The following NTRK2 variants were observed in gnomAD, a reference collection of about 807,000 sequenced individuals.
NTRK2 encodes the protein neurotrophic receptor tyrosine kinase 2, also known as BDNF/NT-3 growth factors receptor.
Under a neutral mutation model 94.5 loss-of-function variants are expected in NTRK2, and 13 were observed. The observed-to-expected ratio is 0.14, with a 90% CI of 0.09 to 0.22. The LOEUF is 0.22. NTRK2 is among the 10% of genes least tolerant of loss of function. The probability of loss-of-function intolerance (pLI) is 1.00; values close to 1 mark genes in which losing one functional copy is unlikely to be tolerated. For missense variants in NTRK2, 639 were observed against 1,071.2 expected, an observed-to-expected ratio of 0.60 and a Z score of 5.63; for synonymous variants, 372 against 407.4, an observed-to-expected ratio of 0.91 and a Z score of 1.05.
rs200064369 is a variant in NTRK2 at position 84,948,683 on chromosome 9, G to A, written c.1937+49G>A. ...CTCCAGGAGGGAGCAGGCCTTCAGG[G>A]TTCAGGAGTGGAGGGTTCATGGGAG... On this transcript the variant is annotated intron_variant, in intron 16 of 18. Transcript: ENST00000277120. 6 of 1,579,116 alleles carry A rather than the reference G, an allele frequency of 3.8e-6. No homozygotes were observed. The South Asian group carries it at 4.5e-5, about 12-fold the overall frequency.
intron 12 of NTRK2, among the ~76,000 whole-genome samples, chr9:84,830,462 C>T (rs757031599): frequency 2.0e-5 from 3 of 151,960 alleles, no homozygotes; most frequent in Non-Finnish European, 2.9e-5. Context: ...ATTTTCCTGT[C>T]TCCTTATGCT....
intron 17 of NTRK2, among the ~76,000 whole-genome samples, chr9:84,957,502 AG>A (rs1824289271): frequency 6.6e-6 from 1 of 152,240 alleles, no homozygotes; most frequent in Admixed American, 6.5e-5. Context: ...GCACATGAAA[AG>A]ATGGGTGACA....
intron 12 of NTRK2, among the ~76,000 whole-genome samples, chr9:84,762,985 C>G (rs929811265): frequency 7.9e-5 from 12 of 152,192 alleles, no homozygotes; most frequent in African/African-American, 2.9e-4. Context: ...GGCCACCACT[C>G]TATTCAAGTC....
intron 17 of NTRK2, among the ~76,000 whole-genome samples, chr9:85,019,269 A>G (rs1832569859): frequency 6.6e-6 from 1 of 152,184 alleles, no homozygotes. Flanking sequence ...GGATAAGCCC[A>G]CCTGCTCTCA....
chr9:84,852,121 C>T (rs949952608), intron 12 of NTRK2, among the ~76,000 whole-genome samples: 2 of 152,168 alleles, frequency 1.3e-5, no homozygotes, highest in African/African-American at 4.8e-5. Context: ...TCCTTGGAAA[C>T]AAAAGCTCCT....
chr9:84,861,697 G>A (rs1404394907), intron 13 of NTRK2, among the ~76,000 whole-genome samples: 1 of 152,148 alleles, frequency 6.6e-6, no homozygotes, highest in South Asian at 2.1e-4. Context: ...TGATCTCTTG[G>A]GACCTCTAAT....
At chr9:84,868,327 C>A (rs999990553) in intron 14 of NTRK2, among the ~76,000 whole-genome samples, 1 of 152,154 alleles carries the variant, frequency 6.6e-6, no homozygotes, top group Non-Finnish European at 1.5e-5. Flanking sequence ...AGGATTACTG[C>A]AAGATTAGGC....
chr9:84,871,635 T>C (rs1472246088), intron 14 of NTRK2, among the ~76,000 whole-genome samples: 1 of 152,216 alleles, frequency 6.6e-6, no homozygotes, highest in Non-Finnish European at 1.5e-5. Context: ...TGGTGATCAA[T>C]TATATCCCTT....
intron 2 of NTRK2, among the ~76,000 whole-genome samples, chr9:84,685,056 A>G (rs2059625089): frequency 6.6e-6 from 1 of 151,846 alleles, no homozygotes; most frequent in Non-Finnish European, 1.5e-5. Flanking sequence ...AAAATGAGCA[A>G]TTTTATATTT....
At chr9:84,698,110 A>C (rs1372263634) in intron 2 of NTRK2, among the ~76,000 whole-genome samples, 3 of 151,992 alleles carry the variant, frequency 2.0e-5, no homozygotes, top group Non-Finnish European at 2.9e-5. Context: ...TAATAACATA[A>C]ATGGTATAAA....
At chr9:84,824,651 C>A (rs2073068227) in intron 12 of NTRK2, among the ~76,000 whole-genome samples, 1 of 152,128 alleles carries the variant, frequency 6.6e-6, no homozygotes, top group Non-Finnish European at 1.5e-5. Context: ...CTAAGTTTGG[C>A]AATTTCTTCC....
At chr9:85,005,008 A>G (rs1310091026) in intron 17 of NTRK2, among the ~76,000 whole-genome samples, 1 of 152,208 alleles carries the variant, frequency 6.6e-6, no homozygotes, top group Non-Finnish European at 1.5e-5. Flanking sequence ...GGAGCTAGTA[A>G]TAATAGGATC....
chr9:84,748,871 G>A (rs79172078), intron 11 of NTRK2, among the ~76,000 whole-genome samples: 2,581 of 152,206 alleles, frequency 0.017, 66 homozygotes, highest in African/African-American at 0.044. Context: ...AAATGGTTAC[G>A]TTTATCCATA....
chr9:84,727,002 C>T (rs886939552), intron 8 of NTRK2, among the ~76,000 whole-genome samples: 2 of 152,160 alleles, frequency 1.3e-5, no homozygotes, highest in African/African-American at 2.4e-5. Context: ...AAGATCTAAA[C>T]ATTGGCATCT....
At chr9:84,683,333 C>T (rs1262763054) in intron 2 of NTRK2, among the ~76,000 whole-genome samples, 2 of 152,016 alleles carry the variant, frequency 1.3e-5, no homozygotes, top group African/African-American at 4.8e-5. Flanking sequence ...TAATGATCTC[C>T]CTCCCCTTGC....
intron 12 of NTRK2, among the ~76,000 whole-genome samples, chr9:84,842,256 C>T (rs1391630799): frequency 6.6e-6 from 1 of 152,166 alleles, no homozygotes; most frequent in Non-Finnish European, 1.5e-5. Flanking sequence ...TCTGCACTTC[C>T]TTCTTTACTC....
rs116992518 is a variant in NTRK2, at chr9:84,864,270, C to T, written c.1445-2973C>T. ...GCTCCAGAAGGAAATATTGCTGGAT[C>T]TCTGACAGCACGTGGAGTCTTTTAA... On this transcript the variant is annotated intron_variant, in intron 13 of 18. Coordinates refer to ENST00000277120, the MANE Select transcript of NTRK2 (RefSeq NM_006180.6). 4.6e-3 allele frequency among the ~76,000 whole-genome samples: 706 copies of T among 152,084 alleles called. 13 individuals carry two copies. Among genetic ancestry groups the T allele is most frequent in the Admixed American group, 0.038 (575 of 15,268 alleles).
At chr9:84,870,917 C>A (rs753709848) in intron 14 of NTRK2, among the ~76,000 whole-genome samples, 1 of 152,084 alleles carries the variant, frequency 6.6e-6, no homozygotes, top group South Asian at 2.1e-4. Flanking sequence ...TTACGAAGAT[C>A]GCTGAATTGT....
chr9:84,723,595 C>G lies in NTRK2; in HGVS notation c.606C>G (p.Ala202=), dbSNP rs144028767. ...TAGGTTTGCCATCTGCAAATCTGGC[C>G]GCACCTAACCTCACTGTGGAGGAAG... is the stretch of plus-strand genomic sequence containing the variant. ...PNCGLPSANL[A]APNLTVEEGK... The change falls in exon 7 of 19, where the codon GCC becomes GCG. Residue 202 remains alanine (A), a synonymous_variant. Coordinates refer to ENST00000277120, the MANE Select transcript of NTRK2 (RefSeq NM_006180.6). The G allele has an allele frequency of 6.2e-6, 10 of 1,614,022 alleles. No homozygotes were observed. The highest frequency in any genetic ancestry group is 8.5e-6 in the Non-Finnish European group (10 of 1,179,948).
Sources: gnomAD v4.1 joint callset for allele counts (sites outside exome capture counted in the v4.1 genomes callset) on GRCh38, gnomAD v4.1.1 for gene constraint, MANE v1.5 for transcripts, NCBI Gene and HGNC (gene_info 2026-07-23, HGNC 2026-07-21) for gene names.